The following TNR variants were observed in gnomAD, a reference collection of about 807,000 sequenced individuals.
The protein encoded by TNR is tenascin-R.
TNR carries 45 observed loss-of-function variants against 150.4 expected under a neutral mutation model. The ratio of observed to expected loss-of-function variants is 0.30; its 90% confidence interval spans 0.24 to 0.38. TNR has a LOEUF of 0.38. Among genes scored for constraint, TNR ranks in the 10% least tolerant of loss-of-function variants. TNR has a pLI of 1.00. For missense variants in TNR, 1,544 were observed against 1,759.1 expected (o/e 0.88, Z 2.19); for synonymous variants, 687 against 678.4 (o/e 1.01, Z -0.20).
At chr1:175,358,656 T>C (rs920069208) in intron 15 of TNR, among the ~76,000 whole-genome samples, 1 of 152,222 alleles carries the variant, frequency 6.6e-6, no homozygotes, top group Non-Finnish European at 1.5e-5. Flanking sequence ...ACATGTTTGA[T>C]GAAGGCAGGG....
intron 1 of TNR, among the ~76,000 whole-genome samples, chr1:175,732,773 T>A (rs1667677121): frequency 6.6e-6 from 1 of 152,238 alleles, no homozygotes; most frequent in South Asian, 2.1e-4. Flanking sequence ...GTAAACTTTG[T>A]GTCTTGGTTT....
chr1:175,634,162 A>T (rs568501791), intron 1 of TNR, among the ~76,000 whole-genome samples: 1 of 152,288 alleles, frequency 6.6e-6, no homozygotes, highest in East Asian at 1.9e-4. Context: ...TTTGCTGTTT[A>T]TATCAGTGGC....
chr1:175,325,099 G>A (rs1403063945), intron 21 of TNR, among the ~76,000 whole-genome samples: 2 of 152,202 alleles, frequency 1.3e-5, no homozygotes, highest in Non-Finnish European at 1.5e-5. Flanking sequence ...GGACATCTGG[G>A]CTGTATCTTG....
At chr1:175,501,995 A>G (rs190387045) in intron 2 of TNR, among the ~76,000 whole-genome samples, 12 of 152,270 alleles carry the variant, frequency 7.9e-5, no homozygotes, top group Admixed American at 5.9e-4. Flanking sequence ...TGGAAGCACA[A>G]TGCAATTTTG....
chr1:175,657,883 A>ATATATATATATATATATATATATGTGTG lies in TNR; in HGVS notation c.-165+85342_-165+85343insCACACATATATATATATATATATATATA, dbSNP rs1464419575. 5.1e-4 allele frequency among the ~76,000 whole-genome samples: 52 copies of ATATATATATATATATATATATATGTGTG among 101,120 alleles called. 1 individual carries two copies. Among genetic ancestry groups the ATATATATATATATATATATATATGTGTG allele is most frequent in the Non-Finnish European group, 8.6e-4 (42 of 48,754 alleles). The allele number at this position is 101,120 out of a possible 152,430, so 66.3% of individuals were successfully genotyped here. ...TATATATATATATATATATATATAT[A>ATATATATATATATATATATATATGTGTG]TGTAACAAACCTGCACGTTGTGCAC... On this transcript the variant is annotated intron_variant, in intron 1 of 22. Transcript: ENST00000367674.
At chr1:175,363,287 GAA>G (rs1173374055) in intron 13 of TNR, among the ~76,000 whole-genome samples, 1 of 152,242 alleles carries the variant, frequency 6.6e-6, no homozygotes, top group Non-Finnish European at 1.5e-5. Flanking sequence ...TGGAGTGGCT[GAA>G]ATGGGACCAC....
At chr1:175,643,252 C>T (rs571891343) in intron 1 of TNR, among the ~76,000 whole-genome samples, 4 of 152,320 alleles carry the variant, frequency 2.6e-5, no homozygotes, top group South Asian at 4.1e-4. Context: ...ATGCTCCATG[C>T]TCCTCTCAGT....
intron 2 of TNR, among the ~76,000 whole-genome samples, chr1:175,452,855 T>C (rs1222109824): frequency 1.3e-5 from 2 of 152,164 alleles, no homozygotes; most frequent in East Asian, 1.9e-4. Flanking sequence ...ATATATACCA[T>C]AGCATACTAT....
chr1:175,385,288 G>A (rs1003739057), intron 8 of TNR, among the ~76,000 whole-genome samples: 2 of 152,180 alleles, frequency 1.3e-5, no homozygotes, highest in African/African-American at 4.8e-5. Flanking sequence ...CCACTAGCTG[G>A]CCAGACTGAT....
At chr1:175,414,180 G>T (rs941094174) in intron 2 of TNR, among the ~76,000 whole-genome samples, 1 of 151,890 alleles carries the variant, frequency 6.6e-6, no homozygotes, top group Non-Finnish European at 1.5e-5. Context: ...AGAATGGTGA[G>T]AAATAAATTT....
At chr1:175,661,103 A>C (rs1234694584) in intron 1 of TNR, among the ~76,000 whole-genome samples, 1 of 152,072 alleles carries the variant, frequency 6.6e-6, no homozygotes, top group Admixed American at 6.5e-5. Flanking sequence ...TGTGCATCCC[A>C]CTCACACTTA....
At chr1:175,338,734 G>C (rs1184263828) in intron 18 of TNR, among the ~76,000 whole-genome samples, 1 of 152,188 alleles carries the variant, frequency 6.6e-6, no homozygotes, top group Non-Finnish European at 1.5e-5. Context: ...CCGCTGGTGG[G>C]TCAGAGTAAG....
chr1:175,685,341 G>T (rs1249611744), intron 1 of TNR, among the ~76,000 whole-genome samples: 1 of 152,160 alleles, frequency 6.6e-6, no homozygotes, highest in East Asian at 1.9e-4. Context: ...ACCATGATTT[G>T]CTTCTCCAGC....
At chr1:175,601,462 C>T (rs1170179336) in intron 1 of TNR, among the ~76,000 whole-genome samples, 3 of 152,144 alleles carry the variant, frequency 2.0e-5, no homozygotes, top group African/African-American at 4.8e-5. Context: ...ACTTAAGAGG[C>T]CTGAGTTCCA....
intron 2 of TNR, among the ~76,000 whole-genome samples, chr1:175,494,263 A>C (rs1658384206): frequency 6.6e-6 from 1 of 152,014 alleles, no homozygotes; most frequent in African/African-American, 2.4e-5. Context: ...CTTTCCATTC[A>C]TGTGGGTAAA....
At chr1:175,423,446 G>A (rs1438105746) in intron 2 of TNR, among the ~76,000 whole-genome samples, 1 of 152,066 alleles carries the variant, frequency 6.6e-6, no homozygotes, top group East Asian at 1.9e-4. Flanking sequence ...CTTGACCCAG[G>A]GTATAGATGA....
chr1:175,377,739 A>G (rs1200739808), intron 9 of TNR, among the ~76,000 whole-genome samples: 1 of 152,144 alleles, frequency 6.6e-6, no homozygotes, highest in Non-Finnish European at 1.5e-5. Flanking sequence ...TGTTTACCGT[A>G]TGCACTCTTT....
chr1:175,366,060 C>T lies in TNR; in HGVS notation c.2132G>A (p.Gly711Asp), dbSNP rs1396734300. 1.2e-6 allele frequency: 2 copies of T among 1,614,042 alleles called. No homozygotes were observed. Among genetic ancestry groups the T allele is most frequent in the Admixed American group, 1.7e-5 (1 of 60,018 alleles). ...GGTAATTCGGTAGTGGTCAATGGGG[C>T]CACTGGCCTTGGTCCAGATGAGGGA... ...SISLIWTKASGPIDHYRITFT... is the reference protein window; with the variant it reads ...SISLIWTKASDPIDHYRITFT... The change falls in exon 11 of 23, where the codon GGC becomes GAC. Residue 711 changes from glycine to aspartate, a missense_variant. Gly to Asp is a moderately conservative substitution (Grantham distance 94, BLOSUM62 -1). This residue lies in a region of TNR where 1,254 missense variants were observed against 1,329.4 expected (regional missense o/e 0.94). Coordinates refer to ENST00000367674, the MANE Select transcript of TNR (RefSeq NM_003285.3).
chr1:175,626,579 T>C (rs1004745625), intron 1 of TNR, among the ~76,000 whole-genome samples: 1 of 152,208 alleles, frequency 6.6e-6, no homozygotes, highest in African/African-American at 2.4e-5. Flanking sequence ...AGCCTTCAGT[T>C]AGTAATTGAG....
Sources: gnomAD v4.1 joint callset for allele counts (sites outside exome capture counted in the v4.1 genomes callset) on GRCh38, gnomAD v4.1.1 for gene constraint, gnomAD v4.1.1 regional missense constraint, MANE v1.5 for transcripts, NCBI Gene and HGNC (gene_info 2026-07-23, HGNC 2026-07-21) for gene names.